Variants in BAIAP2 observed in about 807,000 individuals in gnomAD.
The protein encoded by BAIAP2 is BAR/IMD domain containing adaptor protein 2.
In BAIAP2, 18 loss-of-function variants were observed where a neutral mutation model predicts 63.0. The ratio of observed to expected loss-of-function variants is 0.29; its 90% confidence interval spans 0.20 to 0.42. The LOEUF (loss-of-function observed/expected upper bound fraction) is 0.42. Ranked by LOEUF, BAIAP2 falls within the 10% of genes least tolerant of loss-of-function variation. BAIAP2 has a pLI of 1.00. For synonymous variants in BAIAP2, 386 were observed against 307.6 expected, an observed-to-expected ratio of 1.25 and a Z score of -2.67; for missense variants, 610 against 734.3, an observed-to-expected ratio of 0.83 and a Z score of 1.96.
chr17:81,116,390 G>A lies in BAIAP2; in HGVS notation c.*551G>A. 2 of 1,532,222 alleles carry A rather than the reference G, an allele frequency of 1.3e-6. No individual in the cohort carries two copies. The highest frequency in any genetic ancestry group is 1.2e-5 in the South Asian group (1 of 85,188). The allele number at this position is 1,532,222 out of a possible 1,614,324, so 94.9% of individuals were successfully genotyped here. Reference sequence around the variant, plus strand: ...TGGTCCCTCCCCATGCCCCTCGGTGGGGCTCTCCTGGGCCCCTCACTCCCA... The same window carrying A: ...TGGTCCCTCCCCATGCCCCTCGGTGAGGCTCTCCTGGGCCCCTCACTCCCA... On this transcript the variant is annotated 3_prime_UTR_variant, in exon 14 of 14. Transcript: ENST00000428708.
chr17:81,035,316 C>T lies in BAIAP2; in HGVS notation c.54+8C>T, dbSNP rs1417301776. The T allele has an allele frequency of 3.5e-6, 5 of 1,426,202 alleles. No individual in the cohort carries two copies. The highest frequency in any genetic ancestry group is 4.6e-6 in the Non-Finnish European group (5 of 1,075,702). 88.3% of individuals were successfully genotyped at this position (1,426,202 alleles called of 1,614,324 possible). On this transcript the variant is annotated splice_region_variant and intron_variant, in intron 1 of 13. Coordinates refer to ENST00000428708, the MANE Select transcript of BAIAP2 (RefSeq NM_001144888.2). ...ACGGAAAATGTCTATAAGGTGAGCG[C>T]CCCCCGGCGCCGAGCTGAGCCCGCT...
intron 7 of BAIAP2, among the ~76,000 whole-genome samples, chr17:81,100,468 C>T (rs149389419): frequency 2.6e-5 from 4 of 152,216 alleles, no homozygotes; most frequent in East Asian, 2.0e-4. Context: ...GGTGGGTGGC[C>T]TCTGTGTCCT....
chr17:81,109,136 G>A, intron 13 of BAIAP2: 1 of 1,451,114 alleles, frequency 6.9e-7, no homozygotes. Context: ...CTTTTGGTTG[G>A]TGACCCCAGA....
intron 1 of BAIAP2, among the ~76,000 whole-genome samples, chr17:81,049,433 C>T (rs1287863224): frequency 3.3e-5 from 5 of 152,172 alleles, no homozygotes; most frequent in East Asian, 1.9e-4. Flanking sequence ...TTTTCTTGTG[C>T]GGTTTCTCTC....
Position 81,057,764 on chromosome 17 carries a change from G to T in BAIAP2, c.131-117G>T, listed in dbSNP as rs1340645410. The stretch of plus-strand genomic sequence containing the variant: ...TCACAGCGAGTCGAGTATTCTCCCA[G>T]CTTGTCTGGGCAGGAGACAGGGTTG... On this transcript the variant is annotated intron_variant, in intron 2 of 13. Transcript: ENST00000428708. 5 of 1,426,012 alleles carry T rather than the reference G, an allele frequency of 3.5e-6. No homozygotes were observed. In the African/African-American group the frequency reaches 7.2e-5, roughly 21 times the overall value. 88.3% of individuals were successfully genotyped at this position (1,426,012 alleles called of 1,614,324 possible).
chr17:81,116,259 G>T lies in BAIAP2; in HGVS notation c.*420G>T. 2 of 1,612,826 alleles carry T rather than the reference G, an allele frequency of 1.2e-6. No homozygotes were observed. The highest frequency in any genetic ancestry group is 1.7e-6 in the Non-Finnish European group (2 of 1,179,926). ...GATCTGTCCGCCCAAGGGCCAGAAG[G>T]CCGGGAGCACGGGGATGGGAGCGCC... On this transcript the variant is annotated 3_prime_UTR_variant, in exon 14 of 14. Transcript: ENST00000428708.
intron 3 of BAIAP2, among the ~76,000 whole-genome samples, chr17:81,069,653 C>T (rs1017599342): frequency 2.4e-4 from 36 of 152,268 alleles, no homozygotes; most frequent in Middle Eastern, 3.4e-3. Context: ...TGGCGGGGGG[C>T]GTGGTTCTCC....
At position 81,056,133 on chromosome 17, in the gene BAIAP2, A is replaced by C. The variant is rs375611910; in HGVS notation, c.131-1748A>C. On this transcript the variant is annotated intron_variant, in intron 2 of 13. Transcript: ENST00000428708. ...GACGCTGGAGAGAGGCTCCCGAATC[A>C]GAGTAGGAAGGCTGAGGCCCGGCTC... Among the ~76,000 whole-genome samples the C allele has an allele frequency of 2.0e-5, 3 of 152,290 alleles. No individual in the cohort carries two copies. In the East Asian group the frequency reaches 5.8e-4, roughly 29 times the overall value.
chr17:81,091,514 C>CCCAGCTCTTCTAGCTGTCT (rs1253816625), intron 6 of BAIAP2, among the ~76,000 whole-genome samples: 1 of 152,160 alleles, frequency 6.6e-6, no homozygotes, highest in Non-Finnish European at 1.5e-5. Flanking sequence ...CCTGCCTGCC[C>CCCAGCTCTTCTAGCTGTCT]CCAGCTCTTC....
intron 4 of BAIAP2, 50 bp from the exon 5 acceptor site, chr17:81,085,604 G>C: frequency 2.7e-6 from 4 of 1,500,436 alleles, no homozygotes; most frequent in Non-Finnish European, 3.7e-6. Context: ...CTCCTGTTCC[G>C]GGTCCATGTG....
At chr17:81,074,458 G>A (rs2053276592) in intron 3 of BAIAP2, among the ~76,000 whole-genome samples, 1 of 151,894 alleles carries the variant, frequency 6.6e-6, no homozygotes, top group African/African-American at 2.4e-5. Flanking sequence ...GTGAGTGCCA[G>A]TGTGTGTGCA....
intron 2 of BAIAP2, among the ~76,000 whole-genome samples, chr17:81,055,562 G>A (rs1350382589): frequency 9.1e-5 from 2 of 22,080 alleles, no homozygotes; most frequent in African/African-American, 2.4e-4. Flanking sequence ...GCGAAAGTCT[G>A]CAGGGTGTTT....
intron 12 of BAIAP2, chr17:81,107,190 T>C: frequency 2.5e-6 from 1 of 394,532 alleles, no homozygotes; most frequent in Non-Finnish European, 4.5e-6. Flanking sequence ...CTCACTGCTC[T>C]GTCCAAGGGG....
At position 81,046,103 on chromosome 17, in the gene BAIAP2, G is replaced by A. The variant is rs116428281; in HGVS notation, c.55-7565G>A. Among the ~76,000 whole-genome samples, 4,697 of 152,136 alleles carry A rather than the reference G, an allele frequency of 0.031. 100 individuals are homozygous for A. Among genetic ancestry groups the A allele is most frequent in the South Asian group, 0.089 (431 of 4,826 alleles). On this transcript the variant is annotated intron_variant, in intron 1 of 13. Transcript: ENST00000428708. This position sits in a 1 kb window ranked among gnomAD's most constrained non-coding sequence, Gnocchi z 4.5. Reference sequence around the variant, plus strand: ...ATACTCACAGGGAGGCAGAGCTGCCGGCTCCTGCACGCCCAGCTGCAGGGG... The same window carrying A: ...ATACTCACAGGGAGGCAGAGCTGCCAGCTCCTGCACGCCCAGCTGCAGGGG...
chr17:81,062,728 A>G (rs1350810560), intron 3 of BAIAP2, among the ~76,000 whole-genome samples: 3 of 146,990 alleles, frequency 2.0e-5, no homozygotes, highest in Non-Finnish European at 4.5e-5. Context: ...GAGTGGGTGA[A>G]CGGGGAATGT....
chr17:81,058,470 A>T (rs1206591247), intron 3 of BAIAP2, among the ~76,000 whole-genome samples: 1 of 152,254 alleles, frequency 6.6e-6, no homozygotes, highest in East Asian at 1.9e-4. Flanking sequence ...GTCAAGGGAC[A>T]CAGGGTGAAA....
At chr17:81,095,575 T>C (rs929554324) in intron 6 of BAIAP2, among the ~76,000 whole-genome samples, 14 of 152,170 alleles carry the variant, frequency 9.2e-5, no homozygotes, top group African/African-American at 3.1e-4. Flanking sequence ...TGTCATGCGC[T>C]GACTCAGGCT....
At chr17:81,077,044 A>G (rs896933251) in intron 3 of BAIAP2, among the ~76,000 whole-genome samples, 5 of 152,122 alleles carry the variant, frequency 3.3e-5, no homozygotes, top group African/African-American at 1.2e-4. Flanking sequence ...CCCAGGGAGA[A>G]AAGCCAAATG....
chr17:81,091,092 G>C (rs1000912815), intron 6 of BAIAP2, among the ~76,000 whole-genome samples: 2 of 120,896 alleles, frequency 1.7e-5, no homozygotes, highest in African/African-American at 6.4e-5. Flanking sequence ...GCCCCGACTT[G>C]TGTGGTGCAG....
Sources: allele counts gnomAD v4.1 joint callset (sites outside exome capture counted in the v4.1 genomes callset), GRCh38; gene constraint gnomAD v4.1.1; non-coding constraint Gnocchi (gnomAD v3.1); transcripts MANE v1.5; gene names NCBI Gene and HGNC (gene_info 2026-07-23, HGNC 2026-07-21).